Variants in DACH2 observed in about 807,000 individuals in gnomAD.
DACH2 encodes the protein dachshund homolog 2.
Under a neutral mutation model 35.8 loss-of-function variants are expected in DACH2, and 17 were observed. The observed-to-expected ratio is 0.48, with a 90% CI of 0.33 to 0.71. DACH2 has a LOEUF of 0.71. Ranked by LOEUF, DACH2 falls within the 30% of genes least tolerant of loss-of-function variation. The pLI is 0.02. For synonymous variants in DACH2, 195 were observed against 177.3 expected, an observed-to-expected ratio of 1.10 and a Z score of -0.79; for missense variants, 469 against 472.7, an observed-to-expected ratio of 0.99 and a Z score of 0.07.
intron 4 of DACH2, among the ~76,000 whole-genome samples, chrX:86,685,112 T>C (rs1337018410): frequency 1.2e-4 from 13 of 111,987 alleles, no homozygotes; most frequent in Non-Finnish European, 1.3e-4. Context: ...AGCTCTGCTA[T>C]TTTATATCTC....
chrX:86,155,956 A>C (rs1246333116), intron 1 of DACH2, among the ~76,000 whole-genome samples: 1 of 111,161 alleles, frequency 9.0e-6, no homozygotes, highest in African/African-American at 3.2e-5. Context: ...AATGAACTTC[A>C]ATAAATTATG....
At chrX:86,642,505 G>T (rs1270919666) in intron 3 of DACH2, among the ~76,000 whole-genome samples, 1 of 111,445 alleles carries the variant, frequency 9.0e-6, no homozygotes, top group Admixed American at 9.5e-5. Context: ...CAGAATAAGA[G>T]TGGGAGACTT....
chrX:86,710,665 G>A (rs2041268682), intron 5 of DACH2, among the ~76,000 whole-genome samples: 1 of 111,847 alleles, frequency 8.9e-6, no homozygotes, highest in South Asian at 3.7e-4. Flanking sequence ...GAAGGCTAAC[G>A]TGAATTCAAA....
intron 1 of DACH2, 97 bp downstream of exon 1, chrX:86,149,205 T>C (rs2147853197): frequency 1.0e-6 from 1 of 983,899 alleles, no homozygotes; most frequent in African/African-American, 2.0e-5. Flanking sequence ...GTAGAGTGAG[T>C]CTTAACTAGT....
At chrX:86,266,145 G>A (rs1177891550) in intron 1 of DACH2, among the ~76,000 whole-genome samples, 1 of 111,234 alleles carries the variant, frequency 9.0e-6, no homozygotes, top group Non-Finnish European at 1.9e-5. Context: ...TCAAGGGTTT[G>A]TTAAAACACA....
In DACH2 at chrX:86,637,206, CAAAAAAAAAAAAAAAAAA is replaced by C. The variant is rs772970002; in HGVS notation, c.641-13807_641-13790del. Among the ~76,000 whole-genome samples the C allele has an allele frequency of 2.1e-3, 16 of 7,751 alleles. No individual in the cohort carries two copies. In the South Asian group the frequency reaches 0.12, roughly 58 times the overall value. The allele number at this position is 7,751 out of a possible 115,157, so 6.7% of individuals were successfully genotyped here. A position where few individuals can be genotyped will look rare whatever the true frequency, so the allele number is the denominator to read the frequency against. ...GTCAGAATGGCTATTACTGAAAAGCCAAAAAAAAAAAAAAAAAAAAAAAAAAAAAAAAAAAAAAAACAG... is the reference window on the plus strand; with the variant it reads ...GTCAGAATGGCTATTACTGAAAAGCCAAAAAAAAAAAAAAAAAAAAAACAG... On this transcript the variant is annotated intron_variant, in intron 3 of 11. Transcript: ENST00000373125.
intron 1 of DACH2, among the ~76,000 whole-genome samples, chrX:86,334,279 G>A (rs867280943): frequency 8.9e-6 from 1 of 111,916 alleles, no homozygotes; most frequent in Non-Finnish European, 1.9e-5. Flanking sequence ...CCAGTAATGG[G>A]ATTGCTGGGT....
intron 1 of DACH2, among the ~76,000 whole-genome samples, chrX:86,180,176 G>GTATATA (rs72366047): frequency 0.04 from 1,696 of 42,821 alleles, 224 homozygotes; most frequent in African/African-American, 0.13. Context: ...ATGCTAAACC[G>GTATATA]TATATATATA....
At chrX:86,167,499 A>AT (rs1160807110) in intron 1 of DACH2, among the ~76,000 whole-genome samples, 4 of 110,632 alleles carry the variant, frequency 3.6e-5, no homozygotes, top group African/African-American at 9.8e-5. Flanking sequence ...TAACAAATCA[A>AT]TTTTTTTGTT....
At chrX:86,504,950 A>G (rs2148261072) in intron 2 of DACH2, among the ~76,000 whole-genome samples, 1 of 112,019 alleles carries the variant, frequency 8.9e-6, no homozygotes, top group South Asian at 3.6e-4. Flanking sequence ...ATCTGCATAT[A>G]AACATGAAAA....
chrX:86,201,389 C>T (rs929942640), intron 1 of DACH2, among the ~76,000 whole-genome samples: 1 of 110,425 alleles, frequency 9.1e-6, no homozygotes, highest in Non-Finnish European at 1.9e-5. Flanking sequence ...ACCCCCATGA[C>T]ACAAGTTTAC....
chrX:86,583,801 A>G (rs982098030), intron 3 of DACH2, among the ~76,000 whole-genome samples: 2 of 110,084 alleles, frequency 1.8e-5, no homozygotes, highest in Non-Finnish European at 3.8e-5. Flanking sequence ...GTGTGTATGT[A>G]TATATTTGTA....
At chrX:86,398,131 CGAG>C (rs967478624) in intron 2 of DACH2, among the ~76,000 whole-genome samples, 1 of 111,659 alleles carries the variant, frequency 9.0e-6, no homozygotes, top group African/African-American at 3.3e-5. Flanking sequence ...GTGTATGTGT[CGAG>C]GAATTTATCC....
At chrX:86,491,627 G>A (rs918448056) in intron 2 of DACH2, among the ~76,000 whole-genome samples, 1 of 111,520 alleles carries the variant, frequency 9.0e-6, no homozygotes, top group African/African-American at 3.2e-5. Context: ...AATATTTTCA[G>A]AACGTATTTT....
At chrX:86,667,313 G>A (rs867632504) in intron 4 of DACH2, among the ~76,000 whole-genome samples, 35 of 54,376 alleles carry the variant, frequency 6.4e-4, no homozygotes, top group African/African-American at 2.8e-3. Flanking sequence ...AAAGAAGGAA[G>A]GAAGGAAGGA....
At chrX:86,409,431 T>A (rs1457361961) in intron 2 of DACH2, among the ~76,000 whole-genome samples, 2 of 111,374 alleles carry the variant, frequency 1.8e-5, no homozygotes, top group African/African-American at 6.5e-5. Flanking sequence ...AGTGATTGGA[T>A]CATGGGGGTG....
In DACH2 at chrX:86,307,393, T is replaced by A. The variant is rs112101730; in HGVS notation, c.489-69431T>A. 8.8e-3 allele frequency among the ~76,000 whole-genome samples: 982 copies of A among 111,797 alleles called. 6 individuals are homozygous for A. Among genetic ancestry groups the A allele is most frequent in the African/African-American group, 0.029 (900 of 30,757 alleles). On this transcript the variant is annotated intron_variant, in intron 1 of 11. Transcript: ENST00000373125. Reference sequence around the variant, plus strand: ...CTACTGTTAAAGTGAGGGCATTTATTGGAAAATAATGGGGCCCTGCAACTT... The same window carrying A: ...CTACTGTTAAAGTGAGGGCATTTATAGGAAAATAATGGGGCCCTGCAACTT...
rs776543834 is a variant in DACH2, at chrX:86,667,499, G to A, written c.772+16332G>A. Among the ~76,000 whole-genome samples the A allele has an allele frequency of 2.4e-4, 10 of 42,235 alleles. No homozygotes were observed. The East Asian group carries it at 3.6e-3, about 15-fold the overall frequency. The allele number at this position is 42,235 out of a possible 115,157, so 36.7% of individuals were successfully genotyped here. On this transcript the variant is annotated intron_variant, in intron 4 of 11. Coordinates refer to ENST00000373125, the MANE Select transcript of DACH2 (RefSeq NM_053281.3). Reference sequence around the variant, plus strand: ...AGAAAGAAGGAAGGAAAGAAAGAAAGAGAAAGAAAGAAAGAAAGAAAGAAA... The same window carrying A: ...AGAAAGAAGGAAGGAAAGAAAGAAAAAGAAAGAAAGAAAGAAAGAAAGAAA...
Position 86,366,188 on chromosome X carries a change from T to C in DACH2, c.489-10636T>C, listed in dbSNP as rs371092531. ...GACCAAAGGGTCTTCCTTTTGGTGC[T>C]TGGCATTTTAAATGATGAAAATCAA... On this transcript the variant is annotated intron_variant, in intron 1 of 11. Transcript: ENST00000373125. Among the ~76,000 whole-genome samples the C allele has an allele frequency of 2.9e-4, 32 of 111,061 alleles. No homozygotes were observed. The East Asian group carries it at 3.2e-3, about 11-fold the overall frequency.
Sources: gnomAD v4.1 joint callset for allele counts (sites outside exome capture counted in the v4.1 genomes callset) on GRCh38, gnomAD v4.1.1 for gene constraint, MANE v1.5 for transcripts, NCBI Gene and HGNC (gene_info 2026-07-23, HGNC 2026-07-21) for gene names.